DPY19L2: variants seen among roughly 807,000 people sequenced by gnomAD.
DPY19L2 encodes the protein dpy-19 like 2.
DPY19L2 carries 34 observed loss-of-function variants against 97.9 expected under a neutral mutation model. The ratio of observed to expected loss-of-function variants is 0.35; its 90% CI spans 0.26 to 0.46. DPY19L2 has a LOEUF of 0.46. Among genes scored for constraint, DPY19L2 ranks in the 20% least tolerant of loss-of-function variants. The pLI is 1.00. For synonymous variants in DPY19L2, 230 were observed against 307.9 expected, an observed-to-expected ratio of 0.75 and a Z score of 2.65; for missense variants, 623 against 911.4, an observed-to-expected ratio of 0.68 and a Z score of 4.07.
intron 17 of DPY19L2, 129 bp from the exon 18 acceptor site, chr12:63,582,654 A>G (rs1241490079): frequency 9.5e-7 from 1 of 1,057,374 alleles, no homozygotes; most frequent in Non-Finnish European, 1.3e-6. Flanking sequence ...ATCAGTATTC[A>G]TTCAGCAATA....
chr12:63,606,079 T>C (rs1459180869), intron 12 of DPY19L2, among the ~76,000 whole-genome samples: 1 of 152,154 alleles, frequency 6.6e-6, no homozygotes, highest in Non-Finnish European at 1.5e-5. Context: ...AAAATATGTT[T>C]TCTGTTTGTT....
chr12:63,622,253 G>A (rs1405737257), intron 8 of DPY19L2, among the ~76,000 whole-genome samples: 1 of 152,042 alleles, frequency 6.6e-6, no homozygotes. Context: ...TGACCAGACT[G>A]ATATCACTTC....
intron 21 of DPY19L2, among the ~76,000 whole-genome samples, chr12:63,561,786 G>A (rs537607304): frequency 0.022 from 3,337 of 151,528 alleles, 86 homozygotes; most frequent in African/African-American, 0.057. Flanking sequence ...ATTTCTCTTA[G>A]GGAAACACCT....
intron 12 of DPY19L2, among the ~76,000 whole-genome samples, chr12:63,604,119 A>G (rs547624410): frequency 1.6e-3 from 241 of 152,312 alleles, no homozygotes; most frequent in Non-Finnish European, 3.1e-3. Context: ...TCCTAAAGGA[A>G]ACATCCACTG....
intron 11 of DPY19L2, among the ~76,000 whole-genome samples, chr12:63,614,646 TG>T (rs1301145443): frequency 6.6e-6 from 1 of 152,090 alleles, no homozygotes; most frequent in African/African-American, 2.4e-5. Flanking sequence ...CCTGGCTTCT[TG>T]AGACCCACAA....
At chr12:63,638,145 A>G (rs1892072558) in intron 6 of DPY19L2, among the ~76,000 whole-genome samples, 1 of 152,216 alleles carries the variant, frequency 6.6e-6, no homozygotes, top group African/African-American at 2.4e-5. Flanking sequence ...AAGGCCTTCG[A>G]CAAAATTCCA....
intron 15 of DPY19L2, among the ~76,000 whole-genome samples, chr12:63,595,000 C>G (rs1216829524): frequency 6.6e-6 from 1 of 152,158 alleles, no homozygotes; most frequent in Non-Finnish European, 1.5e-5. Flanking sequence ...TCCTTGTTTC[C>G]TTTATCCTGA....
chr12:63,597,785 G>C (rs547997394), intron 14 of DPY19L2, 24 bp downstream of exon 14: 1 of 1,586,864 alleles, frequency 6.3e-7, no homozygotes, highest in African/African-American at 1.4e-5. Flanking sequence ...TATTAGTAGA[G>C]AAGGAAAAAA....
intron 6 of DPY19L2, among the ~76,000 whole-genome samples, chr12:63,640,528 T>A (rs1019965039): frequency 1.7e-4 from 26 of 152,158 alleles, no homozygotes; most frequent in African/African-American, 6.0e-4. Flanking sequence ...CCTTCCCAGT[T>A]AGTGTCAGTG....
intron 8 of DPY19L2, among the ~76,000 whole-genome samples, chr12:63,622,095 T>C (rs1022197041): frequency 7.9e-5 from 12 of 152,332 alleles, no homozygotes; most frequent in African/African-American, 2.9e-4. Context: ...TTACTAATAT[T>C]ATCATAAAAT....
chr12:63,658,665 ATC>A (rs1230709863), intron 4 of DPY19L2, among the ~76,000 whole-genome samples: 1 of 152,034 alleles, frequency 6.6e-6, no homozygotes, highest in African/African-American at 2.4e-5. Flanking sequence ...TGACCAAACT[ATC>A]TCTCTCCTGT....
chr12:63,578,809 G>T (rs1880347953), intron 19 of DPY19L2, among the ~76,000 whole-genome samples: 1 of 152,120 alleles, frequency 6.6e-6, no homozygotes, highest in African/African-American at 2.4e-5. Context: ...GCATGATTTT[G>T]CTCCCTAGGG....
chr12:63,589,356 GC>G, intron 16 of DPY19L2, among the ~76,000 whole-genome samples: 1 of 6,234 alleles, frequency 1.6e-4, no homozygotes, highest in Non-Finnish European at 3.2e-4. Flanking sequence ...AAAATGTGTT[GC>G]AAAAAAAAAA....
At chr12:63,570,690 A>G in intron 20 of DPY19L2, 68 bp downstream of exon 20, 1 of 1,342,136 alleles carries the variant, frequency 7.5e-7, no homozygotes, top group East Asian at 2.6e-5. Context: ...TGTGTGTAAA[A>G]TTTTCCCAAT....
intron 19 of DPY19L2, among the ~76,000 whole-genome samples, chr12:63,579,263 C>G (rs1880446681): frequency 6.6e-6 from 1 of 152,164 alleles, no homozygotes; most frequent in African/African-American, 2.4e-5. Context: ...GAGTGGACCA[C>G]AAGCTGGATT....
chr12:63,654,580 G>C (rs1453382288), intron 4 of DPY19L2, among the ~76,000 whole-genome samples: 2 of 152,018 alleles, frequency 1.3e-5, no homozygotes, highest in African/African-American at 4.8e-5. Context: ...CCGTTTACAA[G>C]GAACTCGCTT....
intron 6 of DPY19L2, among the ~76,000 whole-genome samples, chr12:63,628,248 T>A (rs958779239): frequency 4.6e-5 from 7 of 152,136 alleles, no homozygotes; most frequent in African/African-American, 1.7e-4. Context: ...GCACCGAGCA[T>A]GAGCCAAAGC....
intron 11 of DPY19L2, among the ~76,000 whole-genome samples, chr12:63,611,845 G>C (rs1200221084): frequency 6.6e-6 from 1 of 151,968 alleles, no homozygotes; most frequent in Non-Finnish European, 1.5e-5. Context: ...TGGGGAGGCA[G>C]AAAAATATTT....
intron 4 of DPY19L2, among the ~76,000 whole-genome samples, chr12:63,649,997 G>A (rs1309573231): frequency 2.0e-5 from 3 of 151,932 alleles, no homozygotes; most frequent in Non-Finnish European, 2.9e-5. Context: ...TTTATTCCTA[G>A]GATGCAAGGG....
Sources: allele counts gnomAD v4.1 joint callset (sites outside exome capture counted in the v4.1 genomes callset), GRCh38; gene constraint gnomAD v4.1.1; transcripts MANE v1.5; gene names NCBI Gene and HGNC (gene_info 2026-07-23, HGNC 2026-07-21).